Variants in EPHA4 observed in about 807,000 individuals in gnomAD.
EPHA4 encodes EPH receptor A4.
Under a neutral mutation model 108.3 loss-of-function variants are expected in EPHA4, and 19 were observed. That is an observed-to-expected ratio of 0.18 (90% CI 0.12 to 0.26). EPHA4 has a LOEUF of 0.26. Ranked by LOEUF, EPHA4 falls within the 10% of genes least tolerant of loss-of-function variation. The pLI is 1.00. For missense variants in EPHA4, 917 were observed against 1,254.0 expected, an observed-to-expected ratio of 0.73 and a Z score of 4.06; for synonymous variants, 449 against 455.5, an observed-to-expected ratio of 0.99 and a Z score of 0.18.
At chr2:221,564,843 G>C (rs1054536474) in intron 2 of EPHA4, among the ~76,000 whole-genome samples, 1 of 124,340 alleles carries the variant, frequency 8.0e-6, no homozygotes, top group Non-Finnish European at 1.6e-5. Flanking sequence ...ACAATTATCA[G>C]TTAATTAGTA....
At chr2:221,446,981 A>C (rs1164493529) in intron 8 of EPHA4, among the ~76,000 whole-genome samples, 4 of 152,218 alleles carry the variant, frequency 2.6e-5, no homozygotes, top group Non-Finnish European at 4.4e-5. Context: ...TGGATTAGAA[A>C]TCTTCAGTAC....
chr2:221,543,128 C>T (rs573318444), intron 3 of EPHA4, among the ~76,000 whole-genome samples: 3 of 152,158 alleles, frequency 2.0e-5, no homozygotes, highest in Admixed American at 2.0e-4. Context: ...TTCAACTTGG[C>T]AATTATTTGA....
intron 11 of EPHA4, among the ~76,000 whole-genome samples, chr2:221,441,177 C>CTCATTTT (rs1690413018): frequency 6.7e-6 from 1 of 149,252 alleles, no homozygotes. Flanking sequence ...GGCCTAATGT[C>CTCATTTT]TCATTTTTTC....
intron 11 of EPHA4, chr2:221,437,440 G>A (rs1690276777): frequency 4.4e-6 from 1 of 229,714 alleles, no homozygotes; most frequent in Admixed American, 5.4e-5. Flanking sequence ...ATGATAAATG[G>A]GGAGGCCTGT....
rs142012180 is a variant in EPHA4, at chr2:221,436,420, C to T, written c.2325G>A (p.Pro775=). ...FGMSRVLEDD[P]EAAYTTRGGK... ...TTACCCTGGTGGTGTAAGCTGCTTC[C>T]GGATCATCCTCAAGCACTCGGGACA... is the stretch of plus-strand genomic sequence containing the variant. Residue 775 remains proline (P), a synonymous_variant, in exon 13 of 18, where the codon CCG becomes CCA. Coordinates refer to ENST00000281821, the MANE Select transcript of EPHA4 (RefSeq NM_004438.5). 9.9e-6 allele frequency: 16 copies of T among 1,614,154 alleles called. No individual in the cohort carries two copies. The highest frequency in any genetic ancestry group is 3.3e-5 in the Admixed American group (2 of 60,036).
rs762405674 is a variant in EPHA4, at chr2:221,425,619, C to G, written c.*409G>C. 6.0e-6 allele frequency: 1 copy of G among 166,054 alleles called. No homozygotes were observed. The highest frequency in any genetic ancestry group is 1.3e-5 in the Non-Finnish European group (1 of 76,832). The allele number at this position is 166,054 out of a possible 1,614,324, so 10.3% of individuals were successfully genotyped here. A position where few individuals can be genotyped will look rare whatever the true frequency, so the allele number is the denominator to read the frequency against. On this transcript the variant is annotated 3_prime_UTR_variant, in exon 17 of 18. Transcript: ENST00000281821. Reference sequence around the variant, plus strand: ...GCATGGTCTTCATTCCAGTGAAAGACAGATGACTGTAATTTATGCCACAAA... The same window carrying G: ...GCATGGTCTTCATTCCAGTGAAAGAGAGATGACTGTAATTTATGCCACAAA...
At chr2:221,471,325 A>C (rs868316483) in intron 5 of EPHA4, among the ~76,000 whole-genome samples, 25 of 152,132 alleles carry the variant, frequency 1.6e-4, no homozygotes, top group Non-Finnish European at 3.1e-4. Flanking sequence ...CAATTTGCTG[A>C]AGTGTGAAAT....
At chr2:221,435,812 T>C (rs796932492) in intron 13 of EPHA4, among the ~76,000 whole-genome samples, 75 of 152,256 alleles carry the variant, frequency 4.9e-4, no homozygotes, top group African/African-American at 1.8e-3. Flanking sequence ...AAATGTTTTA[T>C]AAATCCTGTA....
chr2:221,558,307 G>GGT (rs141447745), intron 3 of EPHA4, among the ~76,000 whole-genome samples: 9 of 151,156 alleles, frequency 6.0e-5, no homozygotes, highest in East Asian at 3.9e-4. Flanking sequence ...GGTGGATGTG[G>GGT]GTGTGTGTGT....
chr2:221,550,418 G>GAGAGAGAGAGAGAGAGAGAGAGAGAGAGA (rs370058097), intron 3 of EPHA4, among the ~76,000 whole-genome samples: 1 of 135,606 alleles, frequency 7.4e-6, no homozygotes, highest in Non-Finnish European at 1.6e-5. Flanking sequence ...TGAGGAAAGG[G>GAGAGAGAGAGAGAGAGAGAGAGAGAGAGA]GAGAGAGAGA....
At chr2:221,568,614 G>T in intron 2 of EPHA4, 104 bp downstream of exon 2, 1 of 853,434 alleles carries the variant, frequency 1.2e-6, no homozygotes. Context: ...GCGGAAATCT[G>T]ACCCCCTCAC....
intron 3 of EPHA4, among the ~76,000 whole-genome samples, chr2:221,539,690 G>A (rs557543710): frequency 3.3e-5 from 5 of 152,220 alleles, no homozygotes; most frequent in African/African-American, 9.6e-5. Context: ...GAGTAGTCAC[G>A]GGAGTAGTAG....
chr2:221,542,137 G>A (rs1290924541), intron 3 of EPHA4, among the ~76,000 whole-genome samples: 6 of 152,164 alleles, frequency 3.9e-5, no homozygotes, highest in Non-Finnish European at 8.8e-5. Flanking sequence ...AGGAGAGAAG[G>A]GAGAGGCAAA....
chr2:221,522,773 A>T (rs187772514), intron 3 of EPHA4, among the ~76,000 whole-genome samples: 5,134 of 123,020 alleles, frequency 0.042, 153 homozygotes, highest in Admixed American at 0.09. Flanking sequence ...TATTATTATT[A>T]TTTTTTTGAG....
At chr2:221,529,017 CA>C (rs1693421476) in intron 3 of EPHA4, among the ~76,000 whole-genome samples, 1 of 151,502 alleles carries the variant, frequency 6.6e-6, no homozygotes, top group South Asian at 2.1e-4. Flanking sequence ...ACGTATATGC[CA>C]AAAAAAGTTT....
At chr2:221,560,385 G>T (rs1694426232) in intron 3 of EPHA4, among the ~76,000 whole-genome samples, 1 of 151,712 alleles carries the variant, frequency 6.6e-6, no homozygotes, top group African/African-American at 2.4e-5. Context: ...GTCACTTTTT[G>T]CTCGTTCAAA....
At chr2:221,544,538 C>A (rs1026890146) in intron 3 of EPHA4, among the ~76,000 whole-genome samples, 2 of 152,158 alleles carry the variant, frequency 1.3e-5, no homozygotes, top group Non-Finnish European at 2.9e-5. Context: ...TTTGGCCAGG[C>A]TGGTCTCGAA....
intron 15 of EPHA4, among the ~76,000 whole-genome samples, chr2:221,427,371 G>T (rs892402795): frequency 6.6e-6 from 1 of 152,128 alleles, no homozygotes; most frequent in African/African-American, 2.4e-5. Context: ...CTTAGGCCAG[G>T]TGTTTTCTAT....
At chr2:221,485,144 C>T (rs1484484219) in intron 4 of EPHA4, among the ~76,000 whole-genome samples, 1 of 152,158 alleles carries the variant, frequency 6.6e-6, no homozygotes, top group Non-Finnish European at 1.5e-5. Context: ...GAAAATGTGA[C>T]ACAATGAATC....
Sources: gnomAD v4.1 joint callset for allele counts (sites outside exome capture counted in the v4.1 genomes callset) on GRCh38, gnomAD v4.1.1 for gene constraint, MANE v1.5 for transcripts, NCBI Gene and HGNC (gene_info 2026-07-23, HGNC 2026-07-21) for gene names.